MINDY3: variants seen among roughly 807,000 people sequenced by gnomAD.
MINDY3 encodes the protein MINDY lysine 48 deubiquitinase 3, also known as ubiquitin carboxyl-terminal hydrolase MINDY-3.
In MINDY3, 38 loss-of-function variants were observed where a neutral mutation model predicts 69.2. The ratio of observed to expected loss-of-function variants is 0.55; its 90% CI spans 0.42 to 0.72. The LOEUF is 0.72. Ranked by LOEUF, MINDY3 falls within the 30% of genes least tolerant of loss-of-function variation. The probability of loss-of-function intolerance (pLI) is 0.00; values close to 1 mark genes in which losing one functional copy is unlikely to be tolerated. For synonymous variants in MINDY3, 192 were observed against 180.1 expected (o/e 1.07, Z -0.53); for missense variants, 522 against 519.0 (o/e 1.01, Z -0.06).
chr10:15,802,224 GTCAATTATGTTT>G (rs1223300667), intron 10 of MINDY3, among the ~76,000 whole-genome samples: 1 of 151,950 alleles, frequency 6.6e-6, no homozygotes. Context: ...TTACTCAAGG[GTCAATTATGTTT>G]TCAAAAACGA....
intron 1 of MINDY3, among the ~76,000 whole-genome samples, chr10:15,855,131 G>C (rs775168882): frequency 1.3e-5 from 2 of 152,068 alleles, no homozygotes; most frequent in African/African-American, 4.8e-5. Flanking sequence ...ACAGTGAGTT[G>C]CTTTTGTACT....
chr10:15,794,058 G>C (rs1296054146), intron 11 of MINDY3, among the ~76,000 whole-genome samples: 1 of 152,030 alleles, frequency 6.6e-6, no homozygotes, highest in East Asian at 1.9e-4. Context: ...TCAGAGAGCT[G>C]GGTTTATCAA....
chr10:15,836,046 CTACTCTTTG>C (rs1356185575), intron 6 of MINDY3, among the ~76,000 whole-genome samples: 2 of 152,032 alleles, frequency 1.3e-5, no homozygotes, highest in Non-Finnish European at 2.9e-5. Flanking sequence ...CAGATGAAAC[CTACTCTTTG>C]TACAGTGTAC....
intron 11 of MINDY3, among the ~76,000 whole-genome samples, chr10:15,792,612 A>G (rs1484978584): frequency 6.6e-6 from 1 of 152,082 alleles, no homozygotes; most frequent in Non-Finnish European, 1.5e-5. Flanking sequence ...TCTACCTACA[A>G]TAGTCCAATT....
chr10:15,811,463 G>A (rs1310427959), intron 10 of MINDY3, among the ~76,000 whole-genome samples: 1 of 152,086 alleles, frequency 6.6e-6, no homozygotes, highest in African/African-American at 2.4e-5. Context: ...ATGAGACTAT[G>A]TATAGATTAA....
rs1254110685 is a variant in MINDY3, at chr10:15,806,990, A to C, written c.882+9845T>G. ...GTTAAATGCATAGCTCAGAAGTCAG[A>C]AGACTGGAGTTTAAATCCTGCCTTG... On this transcript the variant is annotated intron_variant, in intron 10 of 14. Transcript: ENST00000277632. Among the ~76,000 whole-genome samples the C allele has an allele frequency of 2.0e-5, 3 of 152,288 alleles. No homozygotes were observed. The East Asian group carries it at 5.8e-4, about 29-fold the overall frequency.
intron 10 of MINDY3, among the ~76,000 whole-genome samples, chr10:15,805,577 G>C (rs1838581933): frequency 6.6e-6 from 1 of 152,118 alleles, no homozygotes; most frequent in African/African-American, 2.4e-5. Flanking sequence ...CTCCTTCTAA[G>C]AGGATTATTT....
chr10:15,847,842 T>G (rs200326350), intron 2 of MINDY3, 22 bp downstream of exon 2: 1 of 1,581,060 alleles, frequency 6.3e-7, no homozygotes, highest in Non-Finnish European at 8.7e-7. Context: ...CTCTAAGGAG[T>G]TGGTAAAGGA....
intron 8 of MINDY3, among the ~76,000 whole-genome samples, chr10:15,824,655 A>G (rs1460639900): frequency 6.6e-6 from 1 of 152,192 alleles, no homozygotes; most frequent in African/African-American, 2.4e-5. Flanking sequence ...CATGTAAAAA[A>G]GAATACATAC....
chr10:15,792,049 C>A (rs1166180643), intron 11 of MINDY3, among the ~76,000 whole-genome samples: 1 of 151,978 alleles, frequency 6.6e-6, no homozygotes, highest in East Asian at 1.9e-4. Flanking sequence ...GCCCACTGTA[C>A]TTGAGACTAA....
chr10:15,786,760 G>A (rs1025165439), intron 12 of MINDY3, 112 bp from the exon 13 acceptor site: 4 of 686,970 alleles, frequency 5.8e-6, no homozygotes, highest in African/African-American at 3.6e-5. Context: ...AAAACACTAA[G>A]AGCTGTTCTT....
At chr10:15,852,860 T>C (rs192855635) in intron 1 of MINDY3, among the ~76,000 whole-genome samples, 1 of 152,280 alleles carries the variant, frequency 6.6e-6, no homozygotes, top group East Asian at 1.9e-4. Context: ...AAAACGATGG[T>C]TGGGTCTGTA....
In MINDY3 at chr10:15,847,957, C is replaced by T; in HGVS notation, c.95-14G>A. On this transcript the variant is annotated splice_polypyrimidine_tract_variant and intron_variant, in intron 1 of 14. Transcript: ENST00000277632. ...TAAACACAAACCCTAAAAATGAAAG[C>T]AAGTAGGAAAGATTAAAAATATAAT... 3 of 1,601,946 alleles carry T rather than the reference C, an allele frequency of 1.9e-6. No individual in the cohort carries two copies. Among genetic ancestry groups the T allele is most frequent in the Admixed American group, 3.3e-5 (2 of 59,960 alleles).
chr10:15,857,220 G>T (rs939550014), intron 1 of MINDY3, among the ~76,000 whole-genome samples: 30 of 151,920 alleles, frequency 2.0e-4, no homozygotes, highest in African/African-American at 7.0e-4. Context: ...TTTCTGTGAA[G>T]TTTTTTATAA....
At chr10:15,854,937 C>T (rs186258136) in intron 1 of MINDY3, among the ~76,000 whole-genome samples, 2 of 152,226 alleles carry the variant, frequency 1.3e-5, no homozygotes, top group African/African-American at 4.8e-5. Flanking sequence ...TTGGCCAGCT[C>T]TTCTACTGAG....
At chr10:15,831,606 T>A (rs1204022992) in intron 8 of MINDY3, among the ~76,000 whole-genome samples, 1 of 152,082 alleles carries the variant, frequency 6.6e-6, no homozygotes, top group Non-Finnish European at 1.5e-5. Flanking sequence ...AAACTGATAA[T>A]TGACTAATAT....
Position 15,779,075 on chromosome 10 carries a change from T to C in MINDY3, c.1255A>G (p.Thr419Ala). 3 of 1,613,540 alleles carry C rather than the reference T, an allele frequency of 1.9e-6. No homozygotes were observed. Among genetic ancestry groups the C allele is most frequent in the Non-Finnish European group, 2.5e-6 (3 of 1,179,752 alleles). Residue 419 changes from threonine (T) to alanine (A), a missense_variant, in exon 15 of 15, where the codon ACT becomes GCT. Thr to Ala is a moderately conservative substitution (Grantham distance 58). Transcript: ENST00000277632. The part of the protein sequence containing the change: ...FEDPMLQTDD[T>A]PIKRCLQTKW... Reference sequence around the variant, plus strand: ...GTTTGCAGACAGCGTTTAATAGGAGTGTCATCTGTCTGTAGCATGGGATCT... The same window carrying C: ...GTTTGCAGACAGCGTTTAATAGGAGCGTCATCTGTCTGTAGCATGGGATCT...
intron 9 of MINDY3, among the ~76,000 whole-genome samples, chr10:15,818,423 G>C (rs76149530): frequency 0.052 from 7,922 of 151,904 alleles, 319 homozygotes; most frequent in Non-Finnish European, 0.079. Flanking sequence ...ATAAATAAGT[G>C]TCATCACTTT....
At chr10:15,811,705 C>T (rs1267645296) in intron 10 of MINDY3, among the ~76,000 whole-genome samples, 1 of 151,914 alleles carries the variant, frequency 6.6e-6, no homozygotes, top group Non-Finnish European at 1.5e-5. Context: ...AATTTTTGCC[C>T]AAAGCCACTA....
Sources: allele counts gnomAD v4.1 joint callset (sites outside exome capture counted in the v4.1 genomes callset), GRCh38; gene constraint gnomAD v4.1.1; transcripts MANE v1.5; gene names NCBI Gene and HGNC (gene_info 2026-07-23, HGNC 2026-07-21).